Variants in PIWIL1 observed in about 807,000 individuals in gnomAD.
PIWIL1 encodes piwi like RNA-mediated gene silencing 1.
Under a neutral mutation model 114.4 loss-of-function variants are expected in PIWIL1, and 73 were observed. The ratio of observed to expected loss-of-function variants is 0.64; its 90% CI spans 0.53 to 0.78. The LOEUF (loss-of-function observed/expected upper bound fraction) is 0.78, where lower values mean the gene tolerates loss of function less well. Among genes scored for constraint, PIWIL1 ranks in the 30% least tolerant of loss-of-function variants. PIWIL1 has a pLI of 0.00. For synonymous variants in PIWIL1, 375 were observed against 369.0 expected (o/e 1.02, Z -0.19); for missense variants, 723 against 1,063.1 (o/e 0.68, Z 4.45).
chr12:130,357,959 C>T (rs2073410146), intron 14 of PIWIL1, among the ~76,000 whole-genome samples: 1 of 152,298 alleles, frequency 6.6e-6, no homozygotes, highest in African/African-American at 2.4e-5. Context: ...AGAGTAGGGT[C>T]GCAGAGAGCA....
At chr12:130,409,332 CTTTTTTTTTTTTT>C in the PIWIL1 span, among the ~76,000 whole-genome samples, 1 of 65,384 alleles carries the variant, frequency 1.5e-5, no homozygotes, top group Non-Finnish European at 2.9e-5. Flanking sequence ...CAAAATGTAG[CTTTTTTTTTTTTT>C]TTTTTTTTTT....
chr12:130,357,748 A>G (rs554215583), intron 14 of PIWIL1, among the ~76,000 whole-genome samples, 195 bp downstream of exon 14: 3 of 152,342 alleles, frequency 2.0e-5, no homozygotes, highest in East Asian at 1.9e-4. Flanking sequence ...TTTGGTTTAC[A>G]TACTGCAAAA....
the PIWIL1 span, chr12:130,414,250 G>C: frequency 6.2e-7 from 1 of 1,613,662 alleles, no homozygotes; most frequent in Non-Finnish European, 8.5e-7. Context: ...TCGGCACCAG[G>C]GTCAGTTTCT....
At position 130,349,223 on chromosome 12, in the gene PIWIL1, C is replaced by G; in HGVS notation, c.735-16C>G. 6.2e-7 allele frequency: 1 copy of G among 1,604,614 alleles called. No homozygotes were observed. The highest frequency in any genetic ancestry group is 8.5e-7 in the Non-Finnish European group (1 of 1,171,690). ...AATGTGGAGAGGTTCTTCATGACCC[C>G]CATCTCGTCTGACAGGTTGGTGATT... On this transcript the variant is annotated splice_polypyrimidine_tract_variant and intron_variant, in intron 7 of 20. Coordinates refer to ENST00000245255, the MANE Select transcript of PIWIL1 (RefSeq NM_004764.5).
At chr12:130,359,416 C>T (rs932419980) in intron 14 of PIWIL1, among the ~76,000 whole-genome samples, 1 of 152,274 alleles carries the variant, frequency 6.6e-6, no homozygotes, top group African/African-American at 2.4e-5. Flanking sequence ...CCCTGAAGAG[C>T]TTTCTTTGCA....
the PIWIL1 span, chr12:130,396,333 T>C: frequency 6.6e-6 from 1 of 152,644 alleles, no homozygotes; most frequent in Non-Finnish European, 1.5e-5. Context: ...GTCCATAAAT[T>C]ACAAAAGAAA....
chr12:130,347,660 G>A (rs1202180995), intron 6 of PIWIL1, among the ~76,000 whole-genome samples: 1 of 152,176 alleles, frequency 6.6e-6, no homozygotes, highest in Non-Finnish European at 1.5e-5. Flanking sequence ...CTTGTTTTGA[G>A]TTAATGTAAC....
the PIWIL1 span, among the ~76,000 whole-genome samples, chr12:130,401,158 C>T: frequency 2.6e-5 from 4 of 152,024 alleles, no homozygotes; most frequent in African/African-American, 9.7e-5. Flanking sequence ...CTCTGTCACC[C>T]AGGCTGAAGT....
At chr12:130,377,489 G>C (rs2073876776), downstream of PIWIL1, among the ~76,000 whole-genome samples, 1 of 152,210 alleles carries the variant, frequency 6.6e-6, no homozygotes. Context: ...TGGGAAGTAA[G>C]TTACACCAGG....
At chr12:130,409,162 A>G in the PIWIL1 span, among the ~76,000 whole-genome samples, 2 of 152,130 alleles carry the variant, frequency 1.3e-5, no homozygotes, top group Non-Finnish European at 2.9e-5. Context: ...AGCGTGCAGT[A>G]CTTTACGTTG....
chr12:130,368,509 T>C (rs2136195543), intron 19 of PIWIL1, among the ~76,000 whole-genome samples: 1 of 152,322 alleles, frequency 6.6e-6, no homozygotes, highest in South Asian at 2.1e-4. Flanking sequence ...CTCAGACAGA[T>C]GTTATGGCAT....
chr12:130,343,197 CTG>C (rs1164565127), intron 3 of PIWIL1, 96 bp downstream of exon 3: 1 of 741,012 alleles, frequency 1.3e-6, no homozygotes, highest in Admixed American at 3.2e-5. Flanking sequence ...TGTGCTGAAA[CTG>C]TTTAAGAAAC....
the PIWIL1 span, chr12:130,399,236 A>C: frequency 1.2e-6 from 1 of 823,796 alleles, no homozygotes; most frequent in Non-Finnish European, 1.6e-6. Context: ...TGCAGTGATG[A>C]AATAAAATAA....
chr12:130,381,177 G>A, the PIWIL1 span, among the ~76,000 whole-genome samples: 1 of 152,150 alleles, frequency 6.6e-6, no homozygotes, highest in Non-Finnish European at 1.5e-5. Flanking sequence ...TTGAGAGATT[G>A]CCTGTGCCCT....
chr12:130,359,695 G>A (rs2136172801), intron 14 of PIWIL1, among the ~76,000 whole-genome samples: 1 of 152,318 alleles, frequency 6.6e-6, no homozygotes, highest in East Asian at 1.9e-4. Flanking sequence ...TGGGACTGTA[G>A]TGGGTGATAC....
intron 14 of PIWIL1, among the ~76,000 whole-genome samples, chr12:130,359,276 C>T (rs1466462847): frequency 1.3e-5 from 2 of 152,194 alleles, no homozygotes; most frequent in Non-Finnish European, 1.5e-5. Context: ...CTAGAATCTC[C>T]TTTGCATTCA....
At chr12:130,417,040 G>A in the PIWIL1 span, among the ~76,000 whole-genome samples, 15 of 152,112 alleles carry the variant, frequency 9.9e-5, no homozygotes, top group Non-Finnish European at 2.2e-4. Flanking sequence ...ATCACAATGA[G>A]ATACCATCTC....
rs1346251542 is a variant in PIWIL1 at position 130,354,610 on chromosome 12, G to A, written c.1118G>A (p.Gly373Glu). 2 of 1,612,816 alleles carry A rather than the reference G, an allele frequency of 1.2e-6. No individual in the cohort carries two copies. The highest frequency in any genetic ancestry group is 1.7e-5 in the Admixed American group (1 of 59,634). The change falls in exon 10 of 21, where the codon GGG (glycine) becomes GAG (glutamate). Residue 373 changes from glycine to glutamate, a missense_variant. Physicochemically the swap from Gly to Glu is moderately conservative, Grantham distance 98 (BLOSUM62 -2). Transcript: ENST00000245255. Reference protein sequence around the residue: ...VSQPKRRRGPGGTLPGPAMLI... With the variant: ...VSQPKRRRGPEGTLPGPAMLI... ...CAGCCCAAGAGAAGGCGGGGCCCTGGGGGGACACTGCCAGGGCCTGCCATG... is the reference window on the plus strand; with the variant it reads ...CAGCCCAAGAGAAGGCGGGGCCCTGAGGGGACACTGCCAGGGCCTGCCATG...
chr12:130,384,390 T>A, the PIWIL1 span, among the ~76,000 whole-genome samples: 126 of 152,360 alleles, frequency 8.3e-4, no homozygotes, highest in Admixed American at 1.8e-3. Flanking sequence ...TAGCTTTAAC[T>A]GATGTCTGTT....
Sources: allele counts gnomAD v4.1 joint callset (sites outside exome capture counted in the v4.1 genomes callset), GRCh38; gene constraint gnomAD v4.1.1; transcripts MANE v1.5; gene names NCBI Gene and HGNC (gene_info 2026-07-23, HGNC 2026-07-21).